C10orf90: variants seen among roughly 807,000 people sequenced by gnomAD.
C10orf90 encodes (E2-independent) E3 ubiquitin-conjugating enzyme FATS.
C10orf90 carries 56 observed loss-of-function variants against 62.5 expected under a neutral mutation model. That is an observed-to-expected ratio of 0.90 (90% confidence interval 0.72 to 1.12). The LOEUF (loss-of-function observed/expected upper bound fraction) is 1.12, where lower values mean the gene tolerates loss of function less well. Ranked by LOEUF, C10orf90 falls within the 50% of genes most tolerant of loss-of-function variation. C10orf90 has a pLI of 0.00. For missense variants in C10orf90, 970 were observed against 880.4 expected (o/e 1.10, Z -1.29); for synonymous variants, 386 against 340.4 (o/e 1.13, Z -1.47).
chr10:126,493,453 C>CAGG (rs1861871068), intron 4 of C10orf90, among the ~76,000 whole-genome samples: 1 of 151,878 alleles, frequency 6.6e-6, no homozygotes, highest in African/African-American at 2.4e-5. Context: ...CTCTGCCTCC[C>CAGG]AGGTTCATGT....
At chr10:126,553,686 T>A (rs900121050) in intron 2 of C10orf90, among the ~76,000 whole-genome samples, 6 of 152,210 alleles carry the variant, frequency 3.9e-5, no homozygotes, top group Non-Finnish European at 8.8e-5. Flanking sequence ...GGCTGTATCA[T>A]CTAGCCAAGG....
chr10:126,489,877 A>C (rs1206512033), intron 4 of C10orf90, among the ~76,000 whole-genome samples: 1 of 148,376 alleles, frequency 6.7e-6, no homozygotes, highest in Non-Finnish European at 1.5e-5. Context: ...TGGTACATAC[A>C]TACATAGAAT....
At chr10:126,606,333 G>A (rs746938526) in intron 2 of C10orf90, among the ~76,000 whole-genome samples, 53 of 152,154 alleles carry the variant, frequency 3.5e-4, no homozygotes, top group South Asian at 8.3e-4. Flanking sequence ...CAGAGAAAAC[G>A]ATTATGGCTC....
At chr10:126,634,360 C>A (rs1013340113) in intron 2 of C10orf90, among the ~76,000 whole-genome samples, 14 of 152,094 alleles carry the variant, frequency 9.2e-5, no homozygotes, top group African/African-American at 2.9e-4. Context: ...GTGAACAAAG[C>A]CAGACACAAA....
chr10:126,537,536 A>G (rs543008286), intron 2 of C10orf90, among the ~76,000 whole-genome samples: 34 of 152,312 alleles, frequency 2.2e-4, no homozygotes, highest in African/African-American at 6.0e-4. Context: ...CCTTTGACCA[A>G]TGCAAAAGCC....
chr10:126,557,305 TC>T (rs1192384784), intron 2 of C10orf90, among the ~76,000 whole-genome samples: 1 of 151,444 alleles, frequency 6.6e-6, no homozygotes, highest in Non-Finnish European at 1.5e-5. Context: ...CACGGTGAAA[TC>T]CCGTCTCTAC....
chr10:126,664,580 C>A (rs1591185036), intron 1 of C10orf90, among the ~76,000 whole-genome samples: 1 of 152,180 alleles, frequency 6.6e-6, no homozygotes, highest in African/African-American at 2.4e-5. Flanking sequence ...CACACCACCA[C>A]CTTTCATCTG....
At chr10:126,651,539 T>A (rs190484213) in intron 1 of C10orf90, among the ~76,000 whole-genome samples, 35 of 152,282 alleles carry the variant, frequency 2.3e-4, no homozygotes, top group African/African-American at 7.5e-4. Flanking sequence ...TGTCAATCAG[T>A]ACTGTGGACA....
chr10:126,580,847 GTGTC>G (rs10546685), intron 2 of C10orf90, among the ~76,000 whole-genome samples: 3,718 of 152,084 alleles, frequency 0.024, 144 homozygotes, highest in African/African-American at 0.084. Flanking sequence ...GTATGAGTGT[GTGTC>G]TGTGCATGTG....
intron 3 of C10orf90, among the ~76,000 whole-genome samples, chr10:126,513,120 C>G (rs1030296460): frequency 6.6e-6 from 1 of 152,090 alleles, no homozygotes; most frequent in Non-Finnish European, 1.5e-5. Flanking sequence ...ACATCTTGGA[C>G]AGTTTTTTAA....
At chr10:126,581,959 T>G (rs568193052) in intron 2 of C10orf90, among the ~76,000 whole-genome samples, 2 of 152,202 alleles carry the variant, frequency 1.3e-5, no homozygotes, top group South Asian at 4.2e-4. Flanking sequence ...GTGGCAGCTG[T>G]GGTGACAATT....
chr10:126,596,376 TA>T lies in C10orf90; in HGVS notation c.313+50188del, dbSNP rs35029008. On this transcript the variant is annotated intron_variant, in intron 2 of 9. Coordinates refer to ENST00000488181, the MANE Select transcript of C10orf90 (RefSeq NM_001350921.2). ...TTGTGCTCCTTGAAAGACACTTATT[TA>T]AAAAAAAAAAACAACAACAAACAAA... is the stretch of plus-strand genomic sequence containing the variant. Among the ~76,000 whole-genome samples, 1,156 of 135,560 alleles carry T rather than the reference TA, an allele frequency of 8.5e-3. 15 individuals carry two copies. The highest frequency in any genetic ancestry group is 0.025 in the African/African-American group (1,007 of 39,650). The allele number at this position is 135,560 out of a possible 152,430, so 88.9% of individuals were successfully genotyped here.
chr10:126,527,624 T>C (rs1040533308), intron 2 of C10orf90, among the ~76,000 whole-genome samples: 19 of 152,336 alleles, frequency 1.2e-4, no homozygotes, highest in Middle Eastern at 3.4e-3. Flanking sequence ...TCTAGCTTGG[T>C]CACTTATAAA....
chr10:126,603,043 G>A (rs1248185521), intron 2 of C10orf90, among the ~76,000 whole-genome samples: 1 of 151,816 alleles, frequency 6.6e-6, no homozygotes, highest in African/African-American at 2.4e-5. Flanking sequence ...AGAGGGAGTG[G>A]ACAGGTGCGG....
chr10:126,460,701 C>A (rs940142124), intron 6 of C10orf90, among the ~76,000 whole-genome samples: 1 of 152,016 alleles, frequency 6.6e-6, no homozygotes, highest in African/African-American at 2.4e-5. Flanking sequence ...ACCATGAATG[C>A]CTCACCCAGG....
chr10:126,487,142 CAAAAA>C (rs1158481155), intron 4 of C10orf90, among the ~76,000 whole-genome samples: 756 of 29,446 alleles, frequency 0.026, 5 homozygotes, highest in African/African-American at 0.09. Context: ...AAAACTCTGT[CAAAAA>C]AAAAAAAAAA....
chr10:126,432,119 G>A (rs374853550), intron 7 of C10orf90, among the ~76,000 whole-genome samples: 8 of 152,180 alleles, frequency 5.3e-5, no homozygotes, highest in African/African-American at 1.9e-4. Flanking sequence ...TAAATAGCAG[G>A]GTCTTTCCTA....
intron 4 of C10orf90, among the ~76,000 whole-genome samples, chr10:126,488,258 A>C (rs1265932174): frequency 6.6e-6 from 1 of 152,130 alleles, no homozygotes; most frequent in Non-Finnish European, 1.5e-5. Flanking sequence ...TCTTGCCCTA[A>C]AGGATATTAA....
intron 2 of C10orf90, among the ~76,000 whole-genome samples, chr10:126,614,279 A>T (rs973771776): frequency 6.6e-6 from 1 of 152,196 alleles, no homozygotes; most frequent in Admixed American, 6.5e-5. Context: ...CACAGAAATC[A>T]AATGACTCAC....
Sources: allele counts gnomAD v4.1 joint callset (sites outside exome capture counted in the v4.1 genomes callset), GRCh38; gene constraint gnomAD v4.1.1; transcripts MANE v1.5; gene names NCBI Gene and HGNC (gene_info 2026-07-23, HGNC 2026-07-21).